The following NRXN1 variants were observed in gnomAD, a reference collection of about 807,000 sequenced individuals.
NRXN1 encodes the protein neurexin 1.
Under a neutral mutation model 150.9 loss-of-function variants are expected in NRXN1, and 39 were observed. The observed-to-expected ratio is 0.26, with a 90% CI of 0.20 to 0.34. NRXN1 has a LOEUF of 0.34. NRXN1 is among the 10% of genes least tolerant of loss of function. The pLI is 1.00. For missense variants in NRXN1, 1,815 were observed against 1,949.9 expected, an observed-to-expected ratio of 0.93 and a Z score of 1.30; for synonymous variants, 924 against 757.0, an observed-to-expected ratio of 1.22 and a Z score of -3.62.
At chr2:50,506,439 G>C in intron 13 of NRXN1, 56 bp downstream of exon 13, 1 of 1,537,248 alleles carries the variant, frequency 6.5e-7, no homozygotes, top group South Asian at 1.3e-5. Flanking sequence ...CCACCTGCAA[G>C]AAATGAGAGT....
At chr2:50,327,092 A>T (rs1010594859) in intron 17 of NRXN1, among the ~76,000 whole-genome samples, 5 of 152,222 alleles carry the variant, frequency 3.3e-5, no homozygotes, top group African/African-American at 1.2e-4. Context: ...GTCCCAACTC[A>T]TTTAAAAATG....
At chr2:50,981,956 G>A (rs1350646914) in intron 2 of NRXN1, among the ~76,000 whole-genome samples, 2 of 151,838 alleles carry the variant, frequency 1.3e-5, no homozygotes, top group South Asian at 2.1e-4. Context: ...AAGAGAGACA[G>A]AGAGAGAGAT....
intron 18 of NRXN1, among the ~76,000 whole-genome samples, chr2:50,162,157 G>T (rs528968639): frequency 6.6e-6 from 1 of 152,128 alleles, no homozygotes; most frequent in South Asian, 2.1e-4. Context: ...TATCCAAACT[G>T]ATTTCTATGT....
intron 15 of NRXN1, among the ~76,000 whole-genome samples, chr2:50,479,925 C>T (rs2090331158): frequency 6.6e-6 from 1 of 152,016 alleles, no homozygotes; most frequent in South Asian, 2.1e-4. Flanking sequence ...AGGTCTATGC[C>T]ATTACACCCG....
intron 5 of NRXN1, among the ~76,000 whole-genome samples, chr2:50,648,071 ATAAT>A (rs1553924614): frequency 6.6e-6 from 1 of 152,028 alleles, no homozygotes; most frequent in Non-Finnish European, 1.5e-5. Context: ...ATAATATTAA[ATAAT>A]TAATTTAGAC....
chr2:50,777,087 C>T (rs1176514710), intron 5 of NRXN1, among the ~76,000 whole-genome samples: 4 of 152,072 alleles, frequency 2.6e-5, no homozygotes, highest in African/African-American at 9.7e-5. Flanking sequence ...GCAGACAAAG[C>T]TAACAATTTC....
intron 8 of NRXN1, chr2:50,589,299 A>T (rs1673721960): frequency 6.6e-6 from 1 of 152,312 alleles, no homozygotes; most frequent in South Asian, 2.1e-4. Context: ...TGAAGTTAAT[A>T]GCCCCTAGAA....
At chr2:50,338,244 T>G (rs2077317306) in intron 17 of NRXN1, among the ~76,000 whole-genome samples, 1 of 152,222 alleles carries the variant, frequency 6.6e-6, no homozygotes, top group Admixed American at 6.5e-5. Context: ...AAATGTTAAC[T>G]GTGGACTTCA....
chr2:50,297,546 C>A (rs1879340), intron 17 of NRXN1, among the ~76,000 whole-genome samples: 131,225 of 152,144 alleles, frequency 0.86, 56,774 homozygotes, highest in African/African-American at 0.92. Flanking sequence ...TTACTATGGA[C>A]TTCACCCTAA....
At chr2:50,518,374 G>A (rs2092687353) in intron 12 of NRXN1, among the ~76,000 whole-genome samples, 1 of 151,894 alleles carries the variant, frequency 6.6e-6, no homozygotes, top group East Asian at 1.9e-4. Flanking sequence ...TAACAGGACA[G>A]CTAGCAGATA....
intron 5 of NRXN1, among the ~76,000 whole-genome samples, chr2:50,824,771 G>C (rs1670217861): frequency 6.6e-6 from 1 of 152,138 alleles, no homozygotes; most frequent in Admixed American, 6.5e-5. Context: ...TAGGAGCATG[G>C]ATACAAACTG....
At chr2:50,621,931 G>A (rs536927162) in intron 6 of NRXN1, among the ~76,000 whole-genome samples, 2 of 152,212 alleles carry the variant, frequency 1.3e-5, no homozygotes, top group African/African-American at 2.4e-5. Context: ...CTACCAATTC[G>A]CAGTTTGGTT....
At chr2:50,880,765 C>T (rs550161210) in intron 5 of NRXN1, among the ~76,000 whole-genome samples, 2 of 151,890 alleles carry the variant, frequency 1.3e-5, no homozygotes, top group Non-Finnish European at 2.9e-5. Context: ...GAACCCAGGT[C>T]TATAGAAATA....
chr2:50,289,696 T>A (rs1216985214), intron 17 of NRXN1, among the ~76,000 whole-genome samples: 1 of 152,136 alleles, frequency 6.6e-6, no homozygotes, highest in Admixed American at 6.6e-5. Flanking sequence ...TACAAGTATA[T>A]GCATCACAAA....
At chr2:50,009,067 TATTA>T (rs1685226730) in intron 21 of NRXN1, among the ~76,000 whole-genome samples, 1 of 152,264 alleles carries the variant, frequency 6.6e-6, no homozygotes, top group South Asian at 2.1e-4. Context: ...TTTCCAAAAT[TATTA>T]ATTAACAACT....
chr2:49,936,443 A>G (rs1411399769), intron 22 of NRXN1, among the ~76,000 whole-genome samples: 1 of 152,132 alleles, frequency 6.6e-6, no homozygotes, highest in East Asian at 1.9e-4. Context: ...TTAAACCCTT[A>G]GTATGTGGTA....
chr2:49,974,688 T>C (rs1356367407), intron 21 of NRXN1, among the ~76,000 whole-genome samples: 1 of 151,984 alleles, frequency 6.6e-6, no homozygotes, highest in African/African-American at 2.4e-5. Flanking sequence ...GCCAAGTTTA[T>C]AATGAGTATT....
At position 50,256,967 on chromosome 2, in the gene NRXN1, T is replaced by C. The variant is rs927460271; in HGVS notation, c.3365-19997A>G. 1.2e-4 allele frequency among the ~76,000 whole-genome samples: 19 copies of C among 152,056 alleles called. 1 individual carries two copies. Among genetic ancestry groups the C allele is most frequent in the Non-Finnish European group, 1.6e-4 (11 of 68,004 alleles). ...TATTATGTGAGAAAAAAGAATCTTATACTGTGTTGAGAGATGAGTATTTCT... is the reference window on the plus strand; with the variant it reads ...TATTATGTGAGAAAAAAGAATCTTACACTGTGTTGAGAGATGAGTATTTCT... On this transcript the variant is annotated intron_variant, in intron 17 of 22. Coordinates refer to ENST00000401669, the MANE Select transcript of NRXN1 (RefSeq NM_001330078.2).
chr2:50,671,268 C>T (rs1688797651), intron 5 of NRXN1, among the ~76,000 whole-genome samples: 1 of 151,730 alleles, frequency 6.6e-6, no homozygotes, highest in Admixed American at 6.6e-5. Flanking sequence ...AGACTAATAA[C>T]TTTTCTATTC....
Sources: gnomAD v4.1 joint callset for allele counts (sites outside exome capture counted in the v4.1 genomes callset) on GRCh38, gnomAD v4.1.1 for gene constraint, MANE v1.5 for transcripts, NCBI Gene and HGNC (gene_info 2026-07-23, HGNC 2026-07-21) for gene names.